The following KCNC4 variants were observed in gnomAD, a reference collection of about 807,000 sequenced individuals.
KCNC4 encodes the protein voltage-gated potassium channel KCNC4.
In KCNC4, 23 loss-of-function variants were observed where a neutral mutation model predicts 42.8. That is an observed-to-expected ratio of 0.54 (90% CI 0.39 to 0.76). The LOEUF (loss-of-function observed/expected upper bound fraction) is 0.76, where lower values mean the gene tolerates loss of function less well. KCNC4 is among the 30% of genes least tolerant of loss of function. The pLI is 0.00. For synonymous variants in KCNC4, 422 were observed against 393.5 expected (o/e 1.07, Z -0.86); for missense variants, 751 against 898.2 (o/e 0.84, Z 2.10).
At chr1:110,226,449 C>T (rs150429613) in intron 3 of KCNC4, 12 of 502,706 alleles carry the variant, frequency 2.4e-5, no homozygotes, top group Non-Finnish European at 4.4e-5. Context: ...GGCCAGGGTC[C>T]CTGCCCCGTG....
intron 1 of KCNC4, among the ~76,000 whole-genome samples, chr1:110,218,125 T>C (rs1657897980): frequency 6.6e-6 from 1 of 152,178 alleles, no homozygotes. Flanking sequence ...TGGGCTCTCC[T>C]CCCCTGCCCC....
chr1:110,279,844 G>A (rs544828231), intron 1 of KCNC4, among the ~76,000 whole-genome samples: 26 of 145,148 alleles, frequency 1.8e-4, no homozygotes. Flanking sequence ...TGTTGCCCGG[G>A]CTGGAGTGCA....
At chr1:110,230,371 C>T (rs1260494357) in intron 3 of KCNC4, among the ~76,000 whole-genome samples, 1 of 152,196 alleles carries the variant, frequency 6.6e-6, no homozygotes, top group African/African-American at 2.4e-5. Flanking sequence ...GGGCCCCTCC[C>T]CCAACAGCGA....
chr1:110,261,560 T>C (rs1214459589), intron 1 of KCNC4, among the ~76,000 whole-genome samples: 1 of 151,320 alleles, frequency 6.6e-6, no homozygotes, highest in Non-Finnish European at 1.5e-5. Context: ...GGGAAAAGAG[T>C]AAATGACTTC....
intron 1 of KCNC4, chr1:110,222,260 T>A (rs1658140514): frequency 6.6e-6 from 1 of 152,288 alleles, no homozygotes; most frequent in Non-Finnish European, 1.5e-5. Context: ...GATAATAGGC[T>A]CAGCCAGCAG....
downstream of KCNC4, chr1:110,236,373 G>T (rs1247177956): frequency 6.6e-6 from 1 of 152,204 alleles, no homozygotes; most frequent in Non-Finnish European, 1.5e-5. Context: ...TGGGTCCAAT[G>T]CTTAGCCACT....
chr1:110,271,340 T>A (rs1659631486), intron 1 of KCNC4, among the ~76,000 whole-genome samples: 1 of 152,116 alleles, frequency 6.6e-6, no homozygotes, highest in Non-Finnish European at 1.5e-5. Flanking sequence ...AGGGGAGAGA[T>A]CTGAAGCTTA....
In KCNC4 at chr1:110,226,075, G is replaced by A; in HGVS notation, c.1716G>A (p.Arg572=). 6.2e-7 allele frequency: 1 copy of A among 1,614,024 alleles called. No individual in the cohort carries two copies. The change falls in exon 3 of 4, where the codon CGG becomes CGA. Residue 572 remains arginine, a synonymous_variant. Coordinates refer to ENST00000438661, the MANE Select transcript of KCNC4 (RefSeq NM_001039574.3). The part of the protein sequence containing the change: ...LASSPTPEER[R]ALRRSTTRDR... ...CCTCCCCGACCCCCGAGGAGCGCCG[G>A]GCCCTGCGACGCTCCACCACTCGAG...
chr1:110,272,950 C>T (rs1659660215), intron 1 of KCNC4, among the ~76,000 whole-genome samples: 1 of 152,192 alleles, frequency 6.6e-6, no homozygotes, highest in African/African-American at 2.4e-5. Context: ...TATAAAAATG[C>T]TCACTCCCAA....
chr1:110,258,783 G>A (rs1181404048), intron 1 of KCNC4, among the ~76,000 whole-genome samples: 4 of 152,158 alleles, frequency 2.6e-5, no homozygotes, highest in Admixed American at 1.3e-4. Context: ...ATCACCCTAT[G>A]AGGAGGCATG....
At chr1:110,264,394 AT>A (rs71953636) in intron 1 of KCNC4, among the ~76,000 whole-genome samples, 5,118 of 152,254 alleles carry the variant, frequency 0.034, 175 homozygotes, top group African/African-American at 0.077. Context: ...GCAGAAAAGA[AT>A]TATTAGCTCT....
intron 3 of KCNC4, among the ~76,000 whole-genome samples, chr1:110,227,873 C>T (rs915223460): frequency 2.6e-5 from 4 of 152,182 alleles, no homozygotes; most frequent in African/African-American, 4.8e-5. Flanking sequence ...TTCACCGGCA[C>T]GTGCACGGGG....
intron 1 of KCNC4, chr1:110,221,865 A>G (rs1658112582): frequency 1.3e-5 from 2 of 152,256 alleles, no homozygotes; most frequent in South Asian, 4.1e-4. Context: ...GCATCCTGAC[A>G]GTGGTGGATG....
chr1:110,273,010 C>T (rs368003085), intron 1 of KCNC4, among the ~76,000 whole-genome samples: 7 of 152,190 alleles, frequency 4.6e-5, no homozygotes, highest in African/African-American at 1.4e-4. Flanking sequence ...TGTAAATCTC[C>T]GCAGTTCCCC....
chr1:110,213,261 A>T (rs1397179404), intron 1 of KCNC4, among the ~76,000 whole-genome samples: 5 of 149,212 alleles, frequency 3.4e-5, no homozygotes, highest in Non-Finnish European at 7.4e-5. Context: ...GTCGGATCTC[A>T]TGGTCAGCAG....
intron 1 of KCNC4, among the ~76,000 whole-genome samples, chr1:110,254,237 T>C (rs549866634): frequency 6.6e-6 from 1 of 152,276 alleles, no homozygotes; most frequent in South Asian, 2.1e-4. Context: ...ACCATTCCCA[T>C]TCTCAGCTAG....
intron 1 of KCNC4, among the ~76,000 whole-genome samples, chr1:110,213,843 T>C (rs1393722334): frequency 1.3e-5 from 2 of 152,096 alleles, no homozygotes; most frequent in East Asian, 3.9e-4. Context: ...ATTCAGACTC[T>C]TTCAAAGTTG....
chr1:110,265,291 GGC>G (rs1170515596), intron 1 of KCNC4, among the ~76,000 whole-genome samples: 1 of 151,424 alleles, frequency 6.6e-6, no homozygotes, highest in African/African-American at 2.4e-5. Context: ...GTTTACAAGT[GGC>G]TGATGAGTGA....
intron 1 of KCNC4, among the ~76,000 whole-genome samples, chr1:110,218,468 A>G (rs544990363): frequency 6.6e-6 from 1 of 152,006 alleles, no homozygotes; most frequent in Admixed American, 6.6e-5. Context: ...CAACTCCCCT[A>G]TCCTCCCACC....
Sources: gnomAD v4.1 joint callset for allele counts (sites outside exome capture counted in the v4.1 genomes callset) on GRCh38, gnomAD v4.1.1 for gene constraint, MANE v1.5 for transcripts, NCBI Gene and HGNC (gene_info 2026-07-23, HGNC 2026-07-21) for gene names.